The following ABCB1 variants were observed in gnomAD, a reference collection of about 807,000 sequenced individuals.
The protein encoded by ABCB1 is ATP binding cassette subfamily B member 1.
A neutral mutation model predicts 142.0 loss-of-function variants in ABCB1; 69 were observed. That is an observed-to-expected ratio of 0.49 (90% confidence interval 0.40 to 0.59). The LOEUF is 0.59. Among genes scored for constraint, ABCB1 ranks in the 20% least tolerant of loss-of-function variants. The pLI, the probability that ABCB1 is intolerant of heterozygous loss-of-function variation, is 0.00. For missense variants in ABCB1, 1,326 were observed against 1,554.7 expected, an observed-to-expected ratio of 0.85 and a Z score of 2.47; for synonymous variants, 532 against 539.2, an observed-to-expected ratio of 0.99 and a Z score of 0.18.
At chr7:87,575,166 A>G (rs927080077) in intron 4 of ABCB1, among the ~76,000 whole-genome samples, 3 of 152,200 alleles carry the variant, frequency 2.0e-5, no homozygotes, top group African/African-American at 7.2e-5. Flanking sequence ...GGGATTTTTT[A>G]TTTGACCTAA....
In ABCB1 at chr7:87,621,154, A is replaced by C. The variant is rs140362426; in HGVS notation, c.-330-20076T>G. 6.7e-4 allele frequency among the ~76,000 whole-genome samples: 102 copies of C among 152,298 alleles called. No homozygotes were observed. The Middle Eastern group carries it at 0.01, about 15-fold the overall frequency. ...TTTCTTGGTGAGAGAGATGTGTCAA[A>C]ATGATTCTTACGTTTCTATGGAAGA... On this transcript the variant is annotated intron_variant, in intron 1 of 28. Coordinates refer to the ABCB1 transcript ENST00000265724.
At chr7:87,633,405 C>T (rs1450901813) in intron 1 of ABCB1, among the ~76,000 whole-genome samples, 1 of 152,232 alleles carries the variant, frequency 6.6e-6, no homozygotes, top group East Asian at 1.9e-4. Context: ...GAATCTGCCT[C>T]TATGAATATG....
chr7:87,666,962 G>T (rs1585045077), intron 1 of ABCB1, among the ~76,000 whole-genome samples: 1 of 151,956 alleles, frequency 6.6e-6, no homozygotes, highest in East Asian at 1.9e-4. Context: ...GATTGCTTCT[G>T]GTTATTTGGG....
chr7:87,664,819 A>G (rs2130475755), intron 1 of ABCB1, among the ~76,000 whole-genome samples: 1 of 152,308 alleles, frequency 6.6e-6, no homozygotes, highest in South Asian at 2.1e-4. Context: ...ATTTGACAAA[A>G]TAATAGCTAT....
chr7:87,697,872 G>A (rs978262479), intron 1 of ABCB1, among the ~76,000 whole-genome samples: 22 of 151,946 alleles, frequency 1.4e-4, no homozygotes, highest in African/African-American at 4.4e-4. Context: ...CAGGTCCACC[G>A]GACTCAAAGC....
At chr7:87,670,774 G>T (rs1825748013) in intron 1 of ABCB1, among the ~76,000 whole-genome samples, 1 of 152,220 alleles carries the variant, frequency 6.6e-6, no homozygotes, top group Admixed American at 6.5e-5. Context: ...GCCTTGGGGT[G>T]TGATCCAGCA....
intron 1 of ABCB1, among the ~76,000 whole-genome samples, chr7:87,610,855 C>CTATTTACT (rs1230119909): frequency 1.3e-5 from 2 of 152,208 alleles, no homozygotes; most frequent in Non-Finnish European, 2.9e-5. Flanking sequence ...CATAACACCA[C>CTATTTACT]TATTTACTTT....
At chr7:87,666,976 T>C (rs1825317982) in intron 1 of ABCB1, among the ~76,000 whole-genome samples, 1 of 152,192 alleles carries the variant, frequency 6.6e-6, no homozygotes, top group African/African-American at 2.4e-5. Context: ...ATTTGGGTTC[T>C]ATTTTGGTTC....
intron 1 of ABCB1, among the ~76,000 whole-genome samples, chr7:87,610,133 T>C (rs575187771): frequency 3.3e-5 from 5 of 152,256 alleles, no homozygotes; most frequent in Admixed American, 3.3e-4. Context: ...GTATTGTCTC[T>C]ACTGTTTGAA....
At chr7:87,520,982 T>A (rs1563032524) in intron 21 of ABCB1, 106 bp from the exon 22 acceptor site, 3 of 826,036 alleles carry the variant, frequency 3.6e-6, no homozygotes, top group Non-Finnish European at 4.0e-6. Flanking sequence ...ATTACATATT[T>A]ATTATTATGT....
At chr7:87,577,307 A>T (rs1218060440) in intron 4 of ABCB1, among the ~76,000 whole-genome samples, 1 of 152,124 alleles carries the variant, frequency 6.6e-6, no homozygotes, top group East Asian at 1.9e-4. Context: ...TTCTTCATCC[A>T]TTTACTTGCT....
intron 1 of ABCB1, among the ~76,000 whole-genome samples, chr7:87,655,483 C>G (rs546850831): frequency 1.1e-4 from 16 of 152,104 alleles, no homozygotes; most frequent in African/African-American, 2.7e-4. Flanking sequence ...AAGACAAATA[C>G]TGCATGACTT....
At position 87,626,387 on chromosome 7, in the gene ABCB1, T is replaced by TATATGTGTCATATGTATGTGTC. The variant is rs1820540679; in HGVS notation, c.-330-25310_-330-25309insGACACATACATATGACACATAT. ...ATATATGTGTCATATGTATGTGTCA[T>TATATGTGTCATATGTATGTGTC]ATATATGTGTCATATGTATGTGTCA... On this transcript the variant is annotated intron_variant, in intron 1 of 28. Transcript: ENST00000265724. 7.3e-5 allele frequency among the ~76,000 whole-genome samples: 2 copies of TATATGTGTCATATGTATGTGTC among 27,528 alleles called. 1 individual carries two copies. The highest frequency in any genetic ancestry group is 1.0e-4 in the Non-Finnish European group (2 of 19,298). The allele number at this position is 27,528 out of a possible 152,430, so 18.1% of individuals were successfully genotyped here.
intron 1 of ABCB1, among the ~76,000 whole-genome samples, chr7:87,636,410 G>T (rs1363541825): frequency 6.6e-6 from 1 of 152,148 alleles, no homozygotes; most frequent in Non-Finnish European, 1.5e-5. Flanking sequence ...TTAGCAACTG[G>T]AATCTCTGCT....
At chr7:87,705,815 C>G (rs1428242593) in intron 1 of ABCB1, among the ~76,000 whole-genome samples, 4 of 152,158 alleles carry the variant, frequency 2.6e-5, no homozygotes, top group Non-Finnish European at 4.4e-5. Flanking sequence ...AAAAACCACT[C>G]CCAATTGAAT....
intron 1 of ABCB1, among the ~76,000 whole-genome samples, chr7:87,688,658 T>C (rs940528109): frequency 6.6e-6 from 1 of 151,982 alleles, no homozygotes; most frequent in African/African-American, 2.4e-5. Flanking sequence ...TATTTTTCAT[T>C]TGAGACTTTA....
chr7:87,610,408 T>A (rs1180280618), intron 1 of ABCB1, among the ~76,000 whole-genome samples: 2 of 136,674 alleles, frequency 1.5e-5, no homozygotes, highest in African/African-American at 5.4e-5. Flanking sequence ...TTTTTTTTTT[T>A]TTTTTTTTTT....
At chr7:87,610,200 A>G (rs1035967704) in intron 1 of ABCB1, among the ~76,000 whole-genome samples, 6 of 148,136 alleles carry the variant, frequency 4.1e-5, no homozygotes, top group African/African-American at 1.2e-4. Flanking sequence ...GTCATACTGC[A>G]GTGTTCTTAT....
intron 4 of ABCB1, among the ~76,000 whole-genome samples, chr7:87,581,050 G>C (rs1818485081): frequency 6.6e-6 from 1 of 151,200 alleles, no homozygotes; most frequent in Non-Finnish European, 1.5e-5. Flanking sequence ...GGATGGGGGA[G>C]GGGGGGATGA....
Sources: gnomAD v4.1 joint callset for allele counts (sites outside exome capture counted in the v4.1 genomes callset) on GRCh38, gnomAD v4.1.1 for gene constraint, MANE v1.5 for transcripts, NCBI Gene and HGNC (gene_info 2026-07-23, HGNC 2026-07-21) for gene names.